The following TNR variants were observed in gnomAD, a reference collection of about 807,000 sequenced individuals.
TNR encodes the protein tenascin-R.
TNR carries 45 observed loss-of-function variants against 150.4 expected under a neutral mutation model. The ratio of observed to expected loss-of-function variants is 0.30; its 90% CI spans 0.24 to 0.38. The LOEUF (loss-of-function observed/expected upper bound fraction) is 0.38. Ranked by LOEUF, TNR falls within the 10% of genes least tolerant of loss-of-function variation. The pLI is 1.00. For synonymous variants in TNR, 687 were observed against 678.4 expected (o/e 1.01, Z -0.20); for missense variants, 1,544 against 1,759.1 (o/e 0.88, Z 2.19).
rs140004417 is a variant in TNR at position 175,686,000 on chromosome 1, A to G, written c.-165+57226T>C. On this transcript the variant is annotated intron_variant, in intron 1 of 22. Coordinates refer to ENST00000367674, the MANE Select transcript of TNR (RefSeq NM_003285.3). ...AAGCATTATGGCTCCTTTTGCAAGA[A>G]GCTTTCTACCACCAGGCTTGAGACT... Among the ~76,000 whole-genome samples the G allele has an allele frequency of 1.7e-3, 261 of 152,286 alleles. 1 individual carries two copies. In the Middle Eastern group the frequency reaches 0.024, roughly 14 times the overall value.
At chr1:175,402,082 C>A (rs112542049) in intron 4 of TNR, among the ~76,000 whole-genome samples, 7 of 150,750 alleles carry the variant, frequency 4.6e-5, no homozygotes, top group East Asian at 2.0e-4. Flanking sequence ...CCGAGGCGGG[C>A]GGATCATGAG....
intron 2 of TNR, among the ~76,000 whole-genome samples, chr1:175,455,018 C>T (rs2102097826): frequency 6.6e-6 from 1 of 152,290 alleles, no homozygotes; most frequent in South Asian, 2.1e-4. Context: ...ATTGTGAAGG[C>T]AATGAAGCTT....
intron 1 of TNR, among the ~76,000 whole-genome samples, chr1:175,636,600 A>T (rs55866074): frequency 0.021 from 3,271 of 152,302 alleles, 102 homozygotes; most frequent in African/African-American, 0.072. Flanking sequence ...TCACCCATGG[A>T]CAGAACTCCC....
rs1553254724 is a variant in TNR at position 175,696,224 on chromosome 1, T to TTTG, written c.-165+47001_-165+47002insCAA. On this transcript the variant is annotated intron_variant, in intron 1 of 22. Coordinates refer to ENST00000367674, the MANE Select transcript of TNR (RefSeq NM_003285.3). The stretch of plus-strand genomic sequence containing the variant: ...TAAATGAGCCTTCCTGTAGTTTTTT[T>TTTG]TTTTTTTTTTTTTTTTTTTTCCAAA... 5.0e-5 allele frequency among the ~76,000 whole-genome samples: 6 copies of TTTG among 120,386 alleles called. 1 individual carries two copies. The highest frequency in any genetic ancestry group is 7.1e-5 in the African/African-American group (2 of 28,340). The allele number at this position is 120,386 out of a possible 152,430, so 79.0% of individuals were successfully genotyped here.
intron 2 of TNR, among the ~76,000 whole-genome samples, chr1:175,467,696 G>A (rs1464371753): frequency 6.6e-6 from 1 of 152,136 alleles, no homozygotes; most frequent in Admixed American, 6.5e-5. Flanking sequence ...TGATATCACA[G>A]GGCACAGAGG....
At chr1:175,723,044 C>G (rs1360762418) in intron 1 of TNR, among the ~76,000 whole-genome samples, 1 of 152,028 alleles carries the variant, frequency 6.6e-6, no homozygotes, top group Non-Finnish European at 1.5e-5. Flanking sequence ...CCCACCTCGG[C>G]CTCCCAAAGT....
chr1:175,429,735 T>C (rs550257699), intron 2 of TNR, among the ~76,000 whole-genome samples: 2 of 152,270 alleles, frequency 1.3e-5, no homozygotes, highest in South Asian at 4.2e-4. Flanking sequence ...GGGTCTAGAA[T>C]ATGGAAGAAG....
intron 1 of TNR, among the ~76,000 whole-genome samples, chr1:175,670,305 G>T (rs1280572630): frequency 1.3e-5 from 2 of 152,162 alleles, no homozygotes; most frequent in African/African-American, 2.4e-5. Context: ...TCCAGGGTGT[G>T]AGAGCCTCAA....
chr1:175,526,674 T>A (rs1418623142), intron 2 of TNR, among the ~76,000 whole-genome samples: 2 of 152,228 alleles, frequency 1.3e-5, no homozygotes, highest in African/African-American at 4.8e-5. Flanking sequence ...GCTCATCTAA[T>A]CAGCTTTTAA....
chr1:175,677,613 G>A (rs750340780), intron 1 of TNR, among the ~76,000 whole-genome samples: 13 of 152,168 alleles, frequency 8.5e-5, no homozygotes, highest in African/African-American at 1.2e-4. Flanking sequence ...TTTCCCAGGA[G>A]GAAAAGCCAA....
intron 1 of TNR, among the ~76,000 whole-genome samples, chr1:175,727,568 G>A (rs531944278): frequency 1.3e-5 from 2 of 152,304 alleles, no homozygotes; most frequent in South Asian, 4.2e-4. Context: ...ACTTTCTCAA[G>A]GTAGGAGATA....
At chr1:175,541,786 C>T (rs74127333) in intron 1 of TNR, among the ~76,000 whole-genome samples, 2,434 of 152,242 alleles carry the variant, frequency 0.016, 71 homozygotes, top group African/African-American at 0.056. Flanking sequence ...CAACCCCACC[C>T]CTGGCTCTAT....
intron 1 of TNR, among the ~76,000 whole-genome samples, chr1:175,535,448 TTG>T (rs1157048568): frequency 1.2e-4 from 2 of 16,582 alleles, no homozygotes; most frequent in African/African-American, 3.1e-4. Context: ...TATTTATTTT[TTG>T]TTGTTGTTGT....
At chr1:175,502,640 A>G (rs1038377512) in intron 2 of TNR, among the ~76,000 whole-genome samples, 6 of 152,178 alleles carry the variant, frequency 3.9e-5, no homozygotes, top group East Asian at 1.9e-4. Flanking sequence ...AACCTCTTGC[A>G]TGCAATTCCT....
In TNR at chr1:175,686,570, T is replaced by C. The variant is rs999063080; in HGVS notation, c.-165+56656A>G. On this transcript the variant is annotated intron_variant, in intron 1 of 22. Transcript: ENST00000367674. ...TTGTAATGCTTGGTACATTTCATAA[T>C]GCTTCGATTGAGCCCATCACCCAAA... Among the ~76,000 whole-genome samples, 3 of 152,344 alleles carry C rather than the reference T, an allele frequency of 2.0e-5. No homozygotes were observed. In the South Asian group the frequency reaches 6.2e-4, roughly 32 times the overall value.
Position 175,420,184 on chromosome 1 carries a change from C to T in TNR, c.-63-13407G>A, listed in dbSNP as rs544741782. Reference sequence around the variant, plus strand: ...TCTTTGGGGCTCAACTTCAACGAGACCTGACCACCTGGACACAGTTCCCTC... The same window carrying T: ...TCTTTGGGGCTCAACTTCAACGAGATCTGACCACCTGGACACAGTTCCCTC... On this transcript the variant is annotated intron_variant, in intron 2 of 22. Transcript: ENST00000367674. Among the ~76,000 whole-genome samples, 7 of 152,328 alleles carry T rather than the reference C, an allele frequency of 4.6e-5. No homozygotes were observed. The South Asian group carries it at 1.5e-3, about 32-fold the overall frequency.
intron 9 of TNR, among the ~76,000 whole-genome samples, chr1:175,377,023 G>A (rs1459862714): frequency 6.6e-6 from 1 of 152,118 alleles, no homozygotes; most frequent in Non-Finnish European, 1.5e-5. Context: ...TTCTTTAGCA[G>A]AAGCAGCTGT....
At chr1:175,467,560 G>T (rs1294692536) in intron 2 of TNR, among the ~76,000 whole-genome samples, 1 of 152,174 alleles carries the variant, frequency 6.6e-6, no homozygotes, top group Non-Finnish European at 1.5e-5. Context: ...GATGGGCTTT[G>T]GCACAGGGAG....
At chr1:175,666,430 C>A (rs891379339) in intron 1 of TNR, among the ~76,000 whole-genome samples, 3 of 152,224 alleles carry the variant, frequency 2.0e-5, no homozygotes, top group Non-Finnish European at 4.4e-5. Flanking sequence ...CCAGGCCAGC[C>A]TCAGGCCCTG....
Sources: gnomAD v4.1 joint callset for allele counts (sites outside exome capture counted in the v4.1 genomes callset) on GRCh38, gnomAD v4.1.1 for gene constraint, MANE v1.5 for transcripts, NCBI Gene and HGNC (gene_info 2026-07-23, HGNC 2026-07-21) for gene names.